MSANTD3: variants seen among roughly 807,000 people sequenced by gnomAD.
MSANTD3 encodes the protein myb/SANT-like DNA-binding domain-containing protein 3.
Under a neutral mutation model 27.7 loss-of-function variants are expected in MSANTD3, and 11 were observed. That is an observed-to-expected ratio of 0.40 (90% CI 0.25 to 0.66). MSANTD3 has a LOEUF of 0.66. MSANTD3 is among the 30% of genes least tolerant of loss of function. MSANTD3 has a pLI of 0.41. For missense variants in MSANTD3, 250 were observed against 336.5 expected (o/e 0.74, Z 2.01); for synonymous variants, 131 against 127.2 (o/e 1.03, Z -0.20).
In MSANTD3 at chr9:100,451,504, C is replaced by CT. The variant is rs1836889227; in HGVS notation, c.*539dup. 1 of 151,472 alleles carries CT rather than the reference C, an allele frequency of 6.6e-6. No individual in the cohort carries two copies. The highest frequency in any genetic ancestry group is 1.5e-5 in the Non-Finnish European group (1 of 67,914). 9.4% of individuals were successfully genotyped at this position (151,472 alleles called of 1,614,324 possible). A position where few individuals can be genotyped will look rare whatever the true frequency, so the allele number is the denominator to read the frequency against. On this transcript the variant is annotated 3_prime_UTR_variant, in exon 3 of 3. Transcript: ENST00000395067. ...TTTTTAATTTTCTCGGTGTCATCCT[C>CT]TGAGTATGGATTTTCTGTTTTTAAA...
chr9:100,437,120 A>C (rs1246003379), intron 1 of MSANTD3, among the ~76,000 whole-genome samples: 1 of 152,126 alleles, frequency 6.6e-6, no homozygotes. Flanking sequence ...ATACAGTCTT[A>C]CTGGATCAAG....
chr9:100,435,754 CA>C (rs1179588313), intron 1 of MSANTD3, among the ~76,000 whole-genome samples: 1 of 152,226 alleles, frequency 6.6e-6, no homozygotes, highest in East Asian at 1.9e-4. Context: ...CTCTACTTAT[CA>C]AGGCACTAAC....
chr9:100,429,613 T>G (rs945793971), intron 1 of MSANTD3: 16 of 152,080 alleles, frequency 1.1e-4, no homozygotes, highest in African/African-American at 3.6e-4. Flanking sequence ...CATAGAAGAG[T>G]AACTCATTCT....
intron 2 of MSANTD3, chr9:100,448,910 G>C: frequency 1.0e-6 from 1 of 984,048 alleles, no homozygotes; most frequent in Non-Finnish European, 1.2e-6. Flanking sequence ...TTAGGGACTA[G>C]TTATGATTGT....
Position 100,427,255 on chromosome 9 carries a change from G to A in MSANTD3, c.-172G>A, listed in dbSNP as rs1278577947. 1.4e-5 allele frequency: 2 copies of A among 145,328 alleles called. No individual in the cohort carries two copies. Among genetic ancestry groups the A allele is most frequent in the Non-Finnish European group, 3.1e-5 (2 of 65,464 alleles). 9.0% of individuals were successfully genotyped at this position (145,328 alleles called of 1,614,324 possible). On this transcript the variant is annotated 5_prime_UTR_variant, in exon 1 of 3. Transcript: ENST00000395067. ...GGGCCTGGCCGGCCGGGGGCGCGCC[G>A]CCGCCGCCGCCGCCGCCCGGCGTTC...
intron 1 of MSANTD3, among the ~76,000 whole-genome samples, chr9:100,428,417 A>T (rs1836291819): frequency 6.6e-6 from 1 of 152,156 alleles, no homozygotes; most frequent in Non-Finnish European, 1.5e-5. Flanking sequence ...AGGATTGAGG[A>T]TGGCTGTGGG....
intron 2 of MSANTD3, chr9:100,448,144 T>A: frequency 1.1e-6 from 1 of 883,280 alleles, no homozygotes; most frequent in South Asian, 5.3e-5. Context: ...TGAGCTGAGA[T>A]CACGCCACTG....
intron 1 of MSANTD3, among the ~76,000 whole-genome samples, chr9:100,440,612 G>T (rs1836592013): frequency 7.3e-6 from 1 of 137,850 alleles, no homozygotes; most frequent in South Asian, 2.3e-4. Context: ...TTTTTTTTGA[G>T]ACAGTGTCTC....
At chr9:100,446,519 A>G (rs1268719474) in intron 2 of MSANTD3, among the ~76,000 whole-genome samples, 1 of 152,094 alleles carries the variant, frequency 6.6e-6, no homozygotes, top group Non-Finnish European at 1.5e-5. Flanking sequence ...TTCACTTAGA[A>G]TACTGTTTTT....
chr9:100,441,844 G>T, intron 1 of MSANTD3, 62 bp from the exon 2 acceptor site: 1 of 1,487,392 alleles, frequency 6.7e-7, no homozygotes, highest in Admixed American at 2.4e-5. Flanking sequence ...TTAAGCTTCA[G>T]TGATTTATAG....
intron 1 of MSANTD3, among the ~76,000 whole-genome samples, chr9:100,428,124 T>C (rs1221475765): frequency 2.0e-5 from 3 of 152,224 alleles, no homozygotes; most frequent in Non-Finnish European, 4.4e-5. Flanking sequence ...GTAAATTGCA[T>C]GAATAATCTT....
Position 100,431,338 on chromosome 9 carries a change from C to G in MSANTD3, c.-34+3945C>G, listed in dbSNP as rs1483935061. On this transcript the variant is annotated intron_variant, in intron 1 of 2. Coordinates refer to ENST00000395067, the MANE Select transcript of MSANTD3 (RefSeq NM_080655.3). ...TTTTTTTTAAAGAGACAGCGTTTTA[C>G]TCTTTCACCTAGGTTGGAGTGCAGT... is the stretch of plus-strand genomic sequence containing the variant. 4.2e-5 allele frequency among the ~76,000 whole-genome samples: 6 copies of G among 142,544 alleles called. No homozygotes were observed. The South Asian group carries it at 6.9e-4, about 16-fold the overall frequency. 93.5% of individuals were successfully genotyped at this position (142,544 alleles called of 152,430 possible).
chr9:100,430,197 A>G (rs1328116901), intron 1 of MSANTD3, among the ~76,000 whole-genome samples: 1 of 151,988 alleles, frequency 6.6e-6, no homozygotes, highest in Admixed American at 6.6e-5. Context: ...TAAACATAAC[A>G]GACTGGGTAT....
chr9:100,441,371 C>T (rs552064756), intron 1 of MSANTD3, among the ~76,000 whole-genome samples: 15 of 152,078 alleles, frequency 9.9e-5, no homozygotes, highest in Admixed American at 3.9e-4. Context: ...TGGTGGCTCA[C>T]GCCTGTAATC....
chr9:100,430,234 G>C (rs747461852), intron 1 of MSANTD3, among the ~76,000 whole-genome samples: 1 of 151,424 alleles, frequency 6.6e-6, no homozygotes, highest in Non-Finnish European at 1.5e-5. Context: ...AACAAAAATT[G>C]CATGAGAGTT....
intron 2 of MSANTD3, among the ~76,000 whole-genome samples, chr9:100,443,742 G>A (rs12236071): frequency 0.044 from 6,672 of 152,278 alleles, 331 homozygotes; most frequent in South Asian, 0.22. Flanking sequence ...GGGGAGGGTG[G>A]AAATGCACAT....
intron 2 of MSANTD3, among the ~76,000 whole-genome samples, chr9:100,442,999 A>G (rs1180929350): frequency 6.6e-6 from 1 of 152,170 alleles, no homozygotes; most frequent in Admixed American, 6.5e-5. Flanking sequence ...AGAGAATTGT[A>G]TGAAGATTTG....
intron 2 of MSANTD3, among the ~76,000 whole-genome samples, chr9:100,443,055 G>A (rs1046268468): frequency 7.9e-5 from 12 of 151,952 alleles, no homozygotes; most frequent in Admixed American, 1.3e-4. Context: ...ATTTTTGGAG[G>A]TCCTTATTAT....
At chr9:100,434,202 CAT>C (rs1022424384) in intron 1 of MSANTD3, among the ~76,000 whole-genome samples, 9 of 152,302 alleles carry the variant, frequency 5.9e-5, no homozygotes, top group Admixed American at 2.6e-4. Flanking sequence ...ACTGTGGACA[CAT>C]ATACATCCTG....
Sources: allele counts gnomAD v4.1 joint callset (sites outside exome capture counted in the v4.1 genomes callset), GRCh38; gene constraint gnomAD v4.1.1; transcripts MANE v1.5; gene names NCBI Gene and HGNC (gene_info 2026-07-23, HGNC 2026-07-21).